The following CADM2 variants were observed in gnomAD, a reference collection of about 807,000 sequenced individuals.
The protein encoded by CADM2 is immunoglobulin superfamily member 4D.
CADM2 carries 12 observed loss-of-function variants against 49.8 expected under a neutral mutation model. The ratio of observed to expected loss-of-function variants is 0.24; its 90% CI spans 0.15 to 0.39. The LOEUF (loss-of-function observed/expected upper bound fraction) is 0.39. CADM2 is among the 10% of genes least tolerant of loss of function. The pLI is 1.00. For synonymous variants in CADM2, 214 were observed against 175.4 expected (o/e 1.22, Z -1.74); for missense variants, 378 against 492.3 (o/e 0.77, Z 2.20).
At chr3:85,799,980 C>A (rs1445645270) in intron 2 of CADM2, 2 of 152,294 alleles carry the variant, frequency 1.3e-5, no homozygotes. Context: ...TGAAGCTGCA[C>A]CCACAGCCGT....
chr3:85,179,830 A>G (rs1490249959), intron 1 of CADM2, among the ~76,000 whole-genome samples: 1 of 152,152 alleles, frequency 6.6e-6, no homozygotes, highest in Non-Finnish European at 1.5e-5. Flanking sequence ...TTATGTTTAC[A>G]TTATCTTTTT....
intron 8 of CADM2, among the ~76,000 whole-genome samples, chr3:86,026,339 AT>A (rs142941680): frequency 1.6e-4 from 23 of 146,582 alleles, no homozygotes; most frequent in Non-Finnish European, 2.7e-4. Context: ...CAACTATGCC[AT>A]TTTTTTTTTG....
intron 1 of CADM2, among the ~76,000 whole-genome samples, chr3:85,719,607 T>G (rs1161988203): frequency 2.0e-5 from 3 of 152,164 alleles, no homozygotes; most frequent in Non-Finnish European, 4.4e-5. Context: ...GGTGGATCAT[T>G]ATAGGATCTG....
intron 1 of CADM2, among the ~76,000 whole-genome samples, chr3:85,194,915 T>G (rs2041303807): frequency 6.6e-6 from 1 of 152,022 alleles, no homozygotes; most frequent in Non-Finnish European, 1.5e-5. Flanking sequence ...TGTATTTTTG[T>G]TTAAAAAAAA....
chr3:85,643,161 G>C (rs1026175433), intron 1 of CADM2, among the ~76,000 whole-genome samples: 1 of 152,084 alleles, frequency 6.6e-6, no homozygotes, highest in Non-Finnish European at 1.5e-5. Flanking sequence ...ATGGAATGGT[G>C]ATTTTGAATT....
At chr3:85,344,157 C>A (rs1355029488) in intron 1 of CADM2, among the ~76,000 whole-genome samples, 1 of 151,454 alleles carries the variant, frequency 6.6e-6, no homozygotes, top group Non-Finnish European at 1.5e-5. Flanking sequence ...GGGCAGATCA[C>A]GAAGTCAGGA....
At chr3:85,356,536 A>C (rs1379781132) in intron 1 of CADM2, among the ~76,000 whole-genome samples, 1 of 152,076 alleles carries the variant, frequency 6.6e-6, no homozygotes, top group Non-Finnish European at 1.5e-5. Flanking sequence ...AAGATAATAC[A>C]ATGAGATCTG....
At chr3:85,880,227 A>G (rs906413206) in intron 3 of CADM2, among the ~76,000 whole-genome samples, 1 of 152,176 alleles carries the variant, frequency 6.6e-6, no homozygotes, top group Non-Finnish European at 1.5e-5. Context: ...TCAAGTATGG[A>G]AACCTTACTT....
At chr3:85,734,926 C>T (rs1171504824) in intron 2 of CADM2, among the ~76,000 whole-genome samples, 1 of 150,806 alleles carries the variant, frequency 6.6e-6, no homozygotes, top group Non-Finnish European at 1.5e-5. Flanking sequence ...AAGAGCATTT[C>T]TTATCATCTT....
rs74573503 is a variant in CADM2 at position 85,847,663 on chromosome 3, C to G, written c.239-35628C>G. Among the ~76,000 whole-genome samples, 161 of 152,200 alleles carry G rather than the reference C, an allele frequency of 1.1e-3. 2 individuals are homozygous for G. In the East Asian group the frequency reaches 0.027, roughly 26 times the overall value. ...ACACTAGAAGCTGTCAAATCGTTCT[C>G]AGAAAGAGTGGAAGAATTGGCCAAA... is the stretch of plus-strand genomic sequence containing the variant. On this transcript the variant is annotated intron_variant, in intron 3 of 9. Transcript: ENST00000383699.
intron 3 of CADM2, among the ~76,000 whole-genome samples, chr3:85,812,459 G>T (rs2072940335): frequency 6.6e-6 from 1 of 152,072 alleles, no homozygotes; most frequent in South Asian, 2.1e-4. Flanking sequence ...GTGACATAGT[G>T]TCTCCATGTT....
chr3:85,159,276 T>C (rs2040241167), intron 1 of CADM2, among the ~76,000 whole-genome samples: 1 of 149,568 alleles, frequency 6.7e-6, no homozygotes, highest in African/African-American at 2.6e-5. Flanking sequence ...ACCACAGGGG[T>C]TGCAGGAGAG....
At chr3:85,646,054 A>G (rs2064873295) in intron 1 of CADM2, among the ~76,000 whole-genome samples, 1 of 152,004 alleles carries the variant, frequency 6.6e-6, no homozygotes, top group Admixed American at 6.6e-5. Flanking sequence ...AGCACTCAAG[A>G]CCAGCCTGGA....
At chr3:85,259,773 T>C (rs918575966) in intron 1 of CADM2, among the ~76,000 whole-genome samples, 1 of 152,132 alleles carries the variant, frequency 6.6e-6, no homozygotes, top group African/African-American at 2.4e-5. Context: ...TTGAATGATA[T>C]GGACAATTGT....
intron 3 of CADM2, among the ~76,000 whole-genome samples, chr3:85,847,449 G>A (rs1240956650): frequency 3.9e-5 from 6 of 152,108 alleles, no homozygotes; most frequent in Non-Finnish European, 7.4e-5. Flanking sequence ...CAGAATTGAA[G>A]CTTTAAAGTT....
chr3:85,378,666 G>C (rs1444016497), intron 1 of CADM2, among the ~76,000 whole-genome samples: 1 of 151,884 alleles, frequency 6.6e-6, no homozygotes, highest in Non-Finnish European at 1.5e-5. Flanking sequence ...GTATGAGAGG[G>C]AAGTTCTCTT....
intron 8 of CADM2, among the ~76,000 whole-genome samples, chr3:85,995,149 A>G (rs979632846): frequency 2.0e-5 from 3 of 152,134 alleles, no homozygotes; most frequent in African/African-American, 7.2e-5. Flanking sequence ...AATAATGAAC[A>G]TTGTGGTAAA....
chr3:85,537,590 T>C (rs533307428), intron 1 of CADM2, among the ~76,000 whole-genome samples: 1 of 152,174 alleles, frequency 6.6e-6, no homozygotes, highest in East Asian at 1.9e-4. Flanking sequence ...TCAAACTGTT[T>C]GGTGATTGTA....
intron 1 of CADM2, among the ~76,000 whole-genome samples, chr3:85,576,437 T>C (rs1196162159): frequency 1.4e-4 from 22 of 152,214 alleles, no homozygotes; most frequent in Non-Finnish European, 5.9e-5. Flanking sequence ...GACAAAATCC[T>C]GAATCTGACA....
Sources: gnomAD v4.1 joint callset for allele counts (sites outside exome capture counted in the v4.1 genomes callset) on GRCh38, gnomAD v4.1.1 for gene constraint, MANE v1.5 for transcripts, NCBI Gene and HGNC (gene_info 2026-07-23, HGNC 2026-07-21) for gene names.